Variants in GRID2 observed in about 807,000 individuals in gnomAD.
GRID2 encodes the protein glutamate receptor ionotropic, delta-2.
GRID2 carries 33 observed loss-of-function variants against 114.8 expected under a neutral mutation model. The ratio of observed to expected loss-of-function variants is 0.29; its 90% CI spans 0.22 to 0.38. The LOEUF (loss-of-function observed/expected upper bound fraction) is 0.38, where lower values mean the gene tolerates loss of function less well. Among genes scored for constraint, GRID2 ranks in the 10% least tolerant of loss-of-function variants. The pLI, the probability that GRID2 is intolerant of heterozygous loss-of-function variation, is 1.00. For missense variants in GRID2, 1,184 were observed against 1,257.7 expected (o/e 0.94, Z 0.89); for synonymous variants, 505 against 449.9 (o/e 1.12, Z -1.55).
At chr4:93,353,183 A>G (rs1373951376) in intron 8 of GRID2, among the ~76,000 whole-genome samples, 1 of 152,056 alleles carries the variant, frequency 6.6e-6, no homozygotes, top group Non-Finnish European at 1.5e-5. Context: ...TCCATGGTTC[A>G]TACATAAGAA....
intron 2 of GRID2, among the ~76,000 whole-genome samples, chr4:92,984,606 C>T (rs1754396565): frequency 6.6e-6 from 1 of 152,160 alleles, no homozygotes; most frequent in Non-Finnish European, 1.5e-5. Flanking sequence ...GACCATTTTC[C>T]TCATTTCGAG....
intron 8 of GRID2, among the ~76,000 whole-genome samples, chr4:93,280,389 A>G (rs1579528020): frequency 1.3e-5 from 2 of 152,148 alleles, no homozygotes; most frequent in East Asian, 1.9e-4. Flanking sequence ...AGTACTTTCT[A>G]TGTTACTTTC....
At chr4:92,347,976 A>G (rs1727861788) in intron 1 of GRID2, among the ~76,000 whole-genome samples, 1 of 152,162 alleles carries the variant, frequency 6.6e-6, no homozygotes, top group South Asian at 2.1e-4. Context: ...TTTTGTTGAG[A>G]CCGATTATTT....
chr4:93,131,090 C>G (rs1734754029), intron 4 of GRID2, among the ~76,000 whole-genome samples: 2 of 150,994 alleles, frequency 1.3e-5, no homozygotes, highest in South Asian at 4.2e-4. Context: ...CCCTAGACAG[C>G]CTACTTTTGG....
At chr4:93,173,884 G>A (rs1739090522) in intron 4 of GRID2, among the ~76,000 whole-genome samples, 1 of 152,118 alleles carries the variant, frequency 6.6e-6, no homozygotes, top group Non-Finnish European at 1.5e-5. Context: ...GCCTGCCTTG[G>A]TGCGCTGGGA....
At chr4:93,668,315 G>A (rs1724117936) in intron 14 of GRID2, among the ~76,000 whole-genome samples, 2 of 151,820 alleles carry the variant, frequency 1.3e-5, no homozygotes, top group African/African-American at 2.4e-5. Flanking sequence ...GTATATAACC[G>A]TTTTCTCCTA....
At chr4:93,182,225 T>G (rs1037582984) in intron 4 of GRID2, among the ~76,000 whole-genome samples, 2 of 152,162 alleles carry the variant, frequency 1.3e-5, no homozygotes, top group African/African-American at 4.8e-5. Flanking sequence ...TTTAATTTCC[T>G]CTTAAATTGT....
intron 4 of GRID2, among the ~76,000 whole-genome samples, chr4:93,183,413 G>C (rs768328826): frequency 3.9e-5 from 6 of 152,248 alleles, no homozygotes; most frequent in African/African-American, 1.2e-4. Flanking sequence ...AAAAATGATA[G>C]CATTGACCCT....
At chr4:92,441,580 G>T (rs1034922466) in intron 1 of GRID2, among the ~76,000 whole-genome samples, 1 of 152,120 alleles carries the variant, frequency 6.6e-6, no homozygotes, top group Non-Finnish European at 1.5e-5. Context: ...AACTTGTAAG[G>T]CTCGTCTGGT....
chr4:92,984,540 C>G (rs953091034), intron 2 of GRID2, among the ~76,000 whole-genome samples: 8 of 152,220 alleles, frequency 5.3e-5, no homozygotes, highest in Admixed American at 4.6e-4. Context: ...GGGTACCATG[C>G]ATGGATACAT....
intron 2 of GRID2, among the ~76,000 whole-genome samples, chr4:92,642,866 T>C (rs186355634): frequency 6.6e-6 from 1 of 151,972 alleles, no homozygotes; most frequent in East Asian, 1.9e-4. Flanking sequence ...ACTTTCATTC[T>C]TCTGCATGCT....
chr4:93,111,247 T>C (rs914072569), intron 4 of GRID2, among the ~76,000 whole-genome samples: 1 of 152,200 alleles, frequency 6.6e-6, no homozygotes, highest in African/African-American at 2.4e-5. Context: ...TCTGGCAAGA[T>C]CAAGAATAAA....
At chr4:92,442,725 C>T (rs1733178683) in intron 1 of GRID2, among the ~76,000 whole-genome samples, 1 of 151,916 alleles carries the variant, frequency 6.6e-6, no homozygotes, top group African/African-American at 2.4e-5. Context: ...TGTAAAGTGT[C>T]TCGGTTGCTG....
At chr4:93,783,266 T>C (rs924764323) in intron 1 of GRID2, among the ~76,000 whole-genome samples, 15 of 152,214 alleles carry the variant, frequency 9.9e-5, no homozygotes, top group Non-Finnish European at 2.1e-4. Context: ...TTGACACTAA[T>C]TTAGCAGATT....
At chr4:92,654,962 T>G (rs1732154760) in intron 2 of GRID2, among the ~76,000 whole-genome samples, 1 of 152,004 alleles carries the variant, frequency 6.6e-6, no homozygotes, top group Admixed American at 6.6e-5. Flanking sequence ...AATCTTTGCT[T>G]AGCCTGATGT....
chr4:92,462,031 A>T (rs1721525049), intron 1 of GRID2, among the ~76,000 whole-genome samples: 1 of 152,022 alleles, frequency 6.6e-6, no homozygotes, highest in African/African-American at 2.4e-5. Flanking sequence ...AGATATTTAA[A>T]ATTGTTATGT....
chr4:92,469,880 CT>C (rs1288740726), intron 1 of GRID2, among the ~76,000 whole-genome samples: 1 of 151,570 alleles, frequency 6.6e-6, no homozygotes, highest in African/African-American at 2.4e-5. Flanking sequence ...GAGTTAATTG[CT>C]TTTAGAATAT....
chr4:92,653,837 G>GTAA (rs1312066461), intron 2 of GRID2, among the ~76,000 whole-genome samples: 1 of 152,104 alleles, frequency 6.6e-6, no homozygotes, highest in Non-Finnish European at 1.5e-5. Context: ...GCTGCCCTTT[G>GTAA]TAATATATTT....
intron 4 of GRID2, among the ~76,000 whole-genome samples, chr4:93,186,711 C>G (rs1740460121): frequency 6.6e-6 from 1 of 152,018 alleles, no homozygotes; most frequent in East Asian, 1.9e-4. Context: ...TACTAAGTTG[C>G]AAGATGAGAA....
Sources: gnomAD v4.1 joint callset for allele counts (sites outside exome capture counted in the v4.1 genomes callset) on GRCh38, gnomAD v4.1.1 for gene constraint, MANE v1.5 for transcripts, NCBI Gene and HGNC (gene_info 2026-07-23, HGNC 2026-07-21) for gene names.